The following NRG3 variants were observed in gnomAD, a reference collection of about 807,000 sequenced individuals.
NRG3 encodes pro-neuregulin-3, membrane-bound isoform.
In NRG3, 31 loss-of-function variants were observed where a neutral mutation model predicts 66.9. The ratio of observed to expected loss-of-function variants is 0.46; its 90% CI spans 0.35 to 0.63. The LOEUF (loss-of-function observed/expected upper bound fraction) is 0.63, where lower values mean the gene tolerates loss of function less well. NRG3 is among the 20% of genes least tolerant of loss of function. The probability of loss-of-function intolerance (pLI) is 0.00; values close to 1 mark genes in which losing one functional copy is unlikely to be tolerated. For missense variants in NRG3, 910 were observed against 878.9 expected, an observed-to-expected ratio of 1.04 and a Z score of -0.45; for synonymous variants, 393 against 359.4, an observed-to-expected ratio of 1.09 and a Z score of -1.06.
chr10:82,142,113 C>T (rs1156248156), intron 1 of NRG3, among the ~76,000 whole-genome samples: 1 of 152,132 alleles, frequency 6.6e-6, no homozygotes, highest in South Asian at 2.1e-4. Flanking sequence ...CCTGGTAGCT[C>T]TTACTAATTC....
At chr10:82,352,718 G>T (rs933801152) in intron 1 of NRG3, among the ~76,000 whole-genome samples, 1 of 152,102 alleles carries the variant, frequency 6.6e-6, no homozygotes, top group African/African-American at 2.4e-5. Context: ...GGGGACATGG[G>T]AAATTTAAAC....
At chr10:82,903,411 A>G (rs909721174) in intron 4 of NRG3, among the ~76,000 whole-genome samples, 2 of 152,156 alleles carry the variant, frequency 1.3e-5, no homozygotes, top group Non-Finnish European at 2.9e-5. Flanking sequence ...TAAACCTTGC[A>G]TAACACCATG....
At chr10:82,409,364 C>A (rs1020327312) in intron 2 of NRG3, among the ~76,000 whole-genome samples, 4 of 152,102 alleles carry the variant, frequency 2.6e-5, no homozygotes, top group Admixed American at 6.6e-5. Context: ...TATATATTTT[C>A]AAACTTATTT....
At chr10:81,994,141 T>C (rs1183012314) in intron 1 of NRG3, among the ~76,000 whole-genome samples, 2 of 152,146 alleles carry the variant, frequency 1.3e-5, no homozygotes, top group Non-Finnish European at 2.9e-5. Flanking sequence ...TTCCTCTCAG[T>C]AGTGTATGAG....
In NRG3 at chr10:82,956,697, A is replaced by G. The variant is rs145055177; in HGVS notation, c.1158-2252A>G. Among the ~76,000 whole-genome samples the G allele has an allele frequency of 5.9e-5, 9 of 152,042 alleles. No individual in the cohort carries two copies. In the East Asian group the frequency reaches 1.7e-3, roughly 29 times the overall value. On this transcript the variant is annotated intron_variant, in intron 5 of 8. Transcript: ENST00000372141. ...AGAGTAATGGAATCCTTGCTCTGAG[A>G]CATGCACTCTTACTTTTTCAGGATG...
intron 6 of NRG3, among the ~76,000 whole-genome samples, chr10:82,964,048 A>G (rs1008496408): frequency 6.6e-6 from 1 of 152,220 alleles, no homozygotes; most frequent in Non-Finnish European, 1.5e-5. Context: ...ACGCTGATTT[A>G]TTGCTTTAAA....
At chr10:82,172,294 G>A (rs753427289) in intron 1 of NRG3, among the ~76,000 whole-genome samples, 3 of 152,084 alleles carry the variant, frequency 2.0e-5, no homozygotes, top group Non-Finnish European at 4.4e-5. Flanking sequence ...GTGGCCAACC[G>A]TGTTGTCTAA....
At chr10:81,968,721 C>T (rs531252376) in intron 1 of NRG3, among the ~76,000 whole-genome samples, 9 of 152,202 alleles carry the variant, frequency 5.9e-5, no homozygotes, top group Non-Finnish European at 1.0e-4. Context: ...AGGCCACAGA[C>T]GTCATAGAAG....
At chr10:82,121,191 C>T (rs2068066030) in intron 1 of NRG3, among the ~76,000 whole-genome samples, 1 of 152,060 alleles carries the variant, frequency 6.6e-6, no homozygotes, top group Admixed American at 6.6e-5. Flanking sequence ...AGTCTGGCTG[C>T]AGGACATTCT....
chr10:82,169,885 C>G (rs1007321406), intron 1 of NRG3, among the ~76,000 whole-genome samples: 1 of 151,232 alleles, frequency 6.6e-6, no homozygotes, highest in Non-Finnish European at 1.5e-5. Flanking sequence ...TCTTTATTCA[C>G]CTTTAAATGA....
At chr10:82,729,790 G>A (rs1244008877) in intron 2 of NRG3, among the ~76,000 whole-genome samples, 1 of 152,174 alleles carries the variant, frequency 6.6e-6, no homozygotes, top group Non-Finnish European at 1.5e-5. Context: ...GAAGTGTACG[G>A]CTAGCTGCTG....
intron 2 of NRG3, among the ~76,000 whole-genome samples, chr10:82,361,888 A>C (rs12268547): frequency 0.13 from 19,924 of 151,864 alleles, 2,433 homozygotes; most frequent in African/African-American, 0.31. Context: ...AAGATTAGAC[A>C]TCTAAATCTG....
intron 2 of NRG3, among the ~76,000 whole-genome samples, chr10:82,465,852 C>A (rs911533259): frequency 2.0e-5 from 3 of 152,154 alleles, no homozygotes; most frequent in Non-Finnish European, 2.9e-5. Flanking sequence ...ATTTCTATGT[C>A]ATGTAAGAGT....
At chr10:82,856,575 T>C (rs1472272926) in intron 3 of NRG3, among the ~76,000 whole-genome samples, 1 of 151,420 alleles carries the variant, frequency 6.6e-6, no homozygotes, top group Non-Finnish European at 1.5e-5. Context: ...GAAAACCCTG[T>C]CTCTACTAAA....
rs137970156 is a variant in NRG3, at chr10:81,898,815, A to G, written c.823+22652A>G. Among the ~76,000 whole-genome samples the G allele has an allele frequency of 3.7e-4, 57 of 152,314 alleles. No homozygotes were observed. In the East Asian group the frequency reaches 0.011, roughly 29 times the overall value. ...TTTCTTTAAAATCAGAGCATGAGAAAACATATACCATGTAAGGTGAACTTG... is the reference window on the plus strand; with the variant it reads ...TTTCTTTAAAATCAGAGCATGAGAAGACATATACCATGTAAGGTGAACTTG... On this transcript the variant is annotated intron_variant, in intron 1 of 8. Transcript: ENST00000372141.
intron 3 of NRG3, among the ~76,000 whole-genome samples, chr10:82,858,542 A>C (rs2063934853): frequency 6.6e-6 from 1 of 152,204 alleles, no homozygotes; most frequent in African/African-American, 2.4e-5. Context: ...CAAATGTGGA[A>C]GACTCAACTT....
At chr10:82,320,518 T>G (rs1415282120) in intron 1 of NRG3, among the ~76,000 whole-genome samples, 1 of 152,186 alleles carries the variant, frequency 6.6e-6, no homozygotes, top group Non-Finnish European at 1.5e-5. Context: ...CCTTCATTCC[T>G]TAAAATGAAG....
At chr10:82,306,454 A>T (rs2080729328) in intron 1 of NRG3, among the ~76,000 whole-genome samples, 1 of 151,562 alleles carries the variant, frequency 6.6e-6, no homozygotes, top group Non-Finnish European at 1.5e-5. Context: ...CTGTAATTCC[A>T]GCACTTTGGG....
intron 2 of NRG3, among the ~76,000 whole-genome samples, chr10:82,497,455 G>T (rs1295531612): frequency 2.0e-5 from 3 of 152,044 alleles, no homozygotes; most frequent in Admixed American, 2.0e-4. Flanking sequence ...GTATAAGTAA[G>T]ATCATAAAAT....
Sources: allele counts gnomAD v4.1 joint callset (sites outside exome capture counted in the v4.1 genomes callset), GRCh38; gene constraint gnomAD v4.1.1; transcripts MANE v1.5; gene names NCBI Gene and HGNC (gene_info 2026-07-23, HGNC 2026-07-21).